The following GALNT13 variants were observed in gnomAD, a reference collection of about 807,000 sequenced individuals.
GALNT13 encodes UDP-GalNAc:polypeptide N-acetylgalactosaminyltransferase 13.
In GALNT13, 28 loss-of-function variants were observed where a neutral mutation model predicts 64.2. That is an observed-to-expected ratio of 0.44 (90% CI 0.32 to 0.60). The LOEUF (loss-of-function observed/expected upper bound fraction) is 0.60. Ranked by LOEUF, GALNT13 falls within the 20% of genes least tolerant of loss-of-function variation. The pLI is 0.05. For synonymous variants in GALNT13, 214 were observed against 224.6 expected (o/e 0.95, Z 0.42); for missense variants, 577 against 669.8 (o/e 0.86, Z 1.53).
At chr2:153,997,462 C>CTTTTT (rs1558897621) in intron 3 of GALNT13, among the ~76,000 whole-genome samples, 1 of 151,628 alleles carries the variant, frequency 6.6e-6, no homozygotes, top group African/African-American at 2.4e-5. Context: ...TTCTTGATTT[C>CTTTTT]TTTTTTACAT....
chr2:153,942,963 A>T (rs1691445144), intron 2 of GALNT13, among the ~76,000 whole-genome samples: 1 of 152,162 alleles, frequency 6.6e-6, no homozygotes, highest in Non-Finnish European at 1.5e-5. Context: ...CTTTGTATTT[A>T]ATACTGTTCA....
At chr2:153,922,394 G>A (rs900934724) in intron 2 of GALNT13, among the ~76,000 whole-genome samples, 1 of 152,124 alleles carries the variant, frequency 6.6e-6, no homozygotes, top group Non-Finnish European at 1.5e-5. Flanking sequence ...ATAAACAGTG[G>A]AAGATTTTCC....
intron 8 of GALNT13, among the ~76,000 whole-genome samples, chr2:154,271,116 C>G (rs893861031): frequency 6.6e-6 from 1 of 151,870 alleles, no homozygotes; most frequent in African/African-American, 2.4e-5. Flanking sequence ...CCTACTCAGA[C>G]CCATCACATT....
the GALNT13 span, among the ~76,000 whole-genome samples, chr2:153,287,173 C>T: frequency 6.6e-6 from 1 of 152,168 alleles, no homozygotes; most frequent in Non-Finnish European, 1.5e-5. Context: ...CGCAGGCACG[C>T]GATGGGGGTG....
intron 1 of GALNT13, 146 bp from the exon 2 acceptor site, chr2:153,900,790 T>C (rs1688184343): frequency 6.6e-6 from 1 of 152,172 alleles, no homozygotes; most frequent in Non-Finnish European, 1.5e-5. Context: ...CAGCCCATTA[T>C]ACTTTGGTAG....
intron 3 of GALNT13, among the ~76,000 whole-genome samples, chr2:154,062,140 A>T (rs754235086): frequency 2.0e-5 from 3 of 152,152 alleles, no homozygotes; most frequent in African/African-American, 4.8e-5. Flanking sequence ...AGTGCTGAGG[A>T]TGGTATCTTC....
At chr2:153,279,159 T>C in the GALNT13 span, among the ~76,000 whole-genome samples, 1 of 152,170 alleles carries the variant, frequency 6.6e-6, no homozygotes, top group African/African-American at 2.4e-5. Context: ...GCTCTCATCT[T>C]GAATGTTATT....
the GALNT13 span, among the ~76,000 whole-genome samples, chr2:153,335,086 A>G: frequency 6.6e-6 from 1 of 152,140 alleles, no homozygotes; most frequent in East Asian, 1.9e-4. Flanking sequence ...TGCTGCTGCT[A>G]TGTAAGAAGT....
chr2:154,285,438 G>A (rs887439830), intron 8 of GALNT13, among the ~76,000 whole-genome samples: 3 of 151,946 alleles, frequency 2.0e-5, no homozygotes, highest in African/African-American at 4.8e-5. Context: ...TTTGCATGTG[G>A]ATATCAAGTT....
At chr2:154,277,244 C>T (rs2105932975) in intron 8 of GALNT13, among the ~76,000 whole-genome samples, 1 of 152,166 alleles carries the variant, frequency 6.6e-6, no homozygotes, top group Non-Finnish European at 1.5e-5. Context: ...TTTTTATATA[C>T]CTATATCTGA....
chr2:154,026,496 G>T (rs1172986791), intron 3 of GALNT13, among the ~76,000 whole-genome samples: 1 of 152,198 alleles, frequency 6.6e-6, no homozygotes, highest in Non-Finnish European at 1.5e-5. Flanking sequence ...ATAAACAACA[G>T]AAATTTATTT....
the GALNT13 span, among the ~76,000 whole-genome samples, chr2:153,434,636 G>A: frequency 6.6e-6 from 1 of 152,190 alleles, no homozygotes; most frequent in South Asian, 2.1e-4. Flanking sequence ...CTTTTGAGAA[G>A]TGTCTGTTCG....
chr2:154,151,180 T>A (rs9678696), intron 4 of GALNT13, among the ~76,000 whole-genome samples: 1 of 152,118 alleles, frequency 6.6e-6, no homozygotes, highest in Non-Finnish European at 1.5e-5. Context: ...CCTTCATTTC[T>A]TTATGTATCC....
At chr2:153,444,997 T>C in the GALNT13 span, among the ~76,000 whole-genome samples, 463 of 152,316 alleles carry the variant, frequency 3.0e-3, 19 homozygotes, top group East Asian at 0.074. Flanking sequence ...CCAAAATTAT[T>C]GCATTTTTAC....
chr2:153,179,678 C>T, the GALNT13 span, among the ~76,000 whole-genome samples: 1 of 152,046 alleles, frequency 6.6e-6, no homozygotes, highest in Non-Finnish European at 1.5e-5. Flanking sequence ...TTTTTCCATA[C>T]CATGAACACG....
chr2:153,189,266 C>A, the GALNT13 span, among the ~76,000 whole-genome samples: 1 of 152,140 alleles, frequency 6.6e-6, no homozygotes, highest in African/African-American at 2.4e-5. Flanking sequence ...TATCATTCTA[C>A]TCTCTATATC....
At chr2:153,838,287 C>T in the GALNT13 span, among the ~76,000 whole-genome samples, 150 of 151,908 alleles carry the variant, frequency 9.9e-4, no homozygotes, top group African/African-American at 3.3e-3. Flanking sequence ...GCTTTTGTTG[C>T]TTGTGCTTTT....
the GALNT13 span, among the ~76,000 whole-genome samples, chr2:153,238,520 T>A: frequency 6.6e-6 from 1 of 152,064 alleles, no homozygotes; most frequent in African/African-American, 2.4e-5. Flanking sequence ...TGGCAAGAGA[T>A]AAGGGTCTAG....
intron 2 of GALNT13, among the ~76,000 whole-genome samples, chr2:153,922,165 A>C (rs1367999388): frequency 1.3e-5 from 2 of 152,162 alleles, no homozygotes; most frequent in Non-Finnish European, 2.9e-5. Context: ...GATGTGGGAA[A>C]TCAGAGAATT....
Sources: allele counts gnomAD v4.1 joint callset (sites outside exome capture counted in the v4.1 genomes callset), GRCh38; gene constraint gnomAD v4.1.1; transcripts MANE v1.5; gene names NCBI Gene and HGNC (gene_info 2026-07-23, HGNC 2026-07-21).